Variants in EDEM3 observed in about 807,000 individuals in gnomAD.
The protein encoded by EDEM3 is ER degradation-enhancing alpha-mannosidase-like protein 3.
Under a neutral mutation model 110.2 loss-of-function variants are expected in EDEM3, and 60 were observed. That is an observed-to-expected ratio of 0.54 (90% CI 0.44 to 0.67). EDEM3 has a LOEUF of 0.67. Among genes scored for constraint, EDEM3 ranks in the 30% least tolerant of loss-of-function variants. The probability of loss-of-function intolerance (pLI) is 0.00; values close to 1 mark genes in which losing one functional copy is unlikely to be tolerated. For missense variants in EDEM3, 996 were observed against 1,121.0 expected (o/e 0.89, Z 1.59); for synonymous variants, 352 against 382.9 (o/e 0.92, Z 0.94).
intron 7 of EDEM3, among the ~76,000 whole-genome samples, chr1:184,724,290 G>A (rs1651071962): frequency 1.3e-5 from 2 of 152,038 alleles, no homozygotes; most frequent in Admixed American, 1.3e-4. Flanking sequence ...TAGAAAACTG[G>A]AAGAGAATTT....
At chr1:184,745,766 G>T (rs1197867045) in intron 2 of EDEM3, among the ~76,000 whole-genome samples, 2 of 152,076 alleles carry the variant, frequency 1.3e-5, no homozygotes, top group East Asian at 3.8e-4. Flanking sequence ...AAAGGAAATT[G>T]TGCTTACCAA....
chr1:184,752,093 T>A (rs1049460442), intron 1 of EDEM3, among the ~76,000 whole-genome samples: 1 of 152,260 alleles, frequency 6.6e-6, no homozygotes, highest in Non-Finnish European at 1.5e-5. Context: ...GCCCACGTGC[T>A]ATAGAAACTG....
rs370314492 is a variant in EDEM3 at position 184,734,647 on chromosome 1, G to A, written c.346-4C>T. On this transcript the variant is annotated splice_region_variant and splice_polypyrimidine_tract_variant and intron_variant, in intron 4 of 19. Coordinates refer to ENST00000318130, the MANE Select transcript of EDEM3 (RefSeq NM_025191.4). ...ATTCTTTAGTTTTATTTAAAACCTG[G>A]GAGAAGAAAATTATGAAATAAAGTT... is the stretch of plus-strand genomic sequence containing the variant. The A allele has an allele frequency of 1.6e-6, 2 of 1,249,712 alleles. No individual in the cohort carries two copies. The highest frequency in any genetic ancestry group is 2.2e-6 in the Non-Finnish European group (2 of 892,236). 77.4% of individuals were successfully genotyped at this position (1,249,712 alleles called of 1,614,324 possible). A position where few individuals can be genotyped will look rare whatever the true frequency, so the allele number is the denominator to read the frequency against.
chr1:184,729,995 A>T lies in EDEM3; in HGVS notation c.612+2842T>A, dbSNP rs535299256. ...AACTTTGCTTTTAATTTAATATGCTAAGAAAAAAATGATCAACAAATTTAA... is the reference window on the plus strand; with the variant it reads ...AACTTTGCTTTTAATTTAATATGCTTAGAAAAAAATGATCAACAAATTTAA... On this transcript the variant is annotated intron_variant, in intron 6 of 19. Coordinates refer to ENST00000318130, the MANE Select transcript of EDEM3 (RefSeq NM_025191.4). Among the ~76,000 whole-genome samples, 5 of 152,320 alleles carry T rather than the reference A, an allele frequency of 3.3e-5. No individual in the cohort carries two copies. The South Asian group carries it at 1.0e-3, about 32-fold the overall frequency.
chr1:184,754,693 G>C lies in EDEM3; in HGVS notation c.-47C>G, dbSNP rs1438382911. The stretch of plus-strand genomic sequence containing the variant: ...CGCAGCTGCTACGCCCGGCCGGTGA[G>C]ACACATTGCTGGACGCTGGTGGCCA... On this transcript the variant is annotated 5_prime_UTR_variant, in exon 1 of 20. Coordinates refer to ENST00000318130, the MANE Select transcript of EDEM3 (RefSeq NM_025191.4). 5 of 1,490,972 alleles carry C rather than the reference G, an allele frequency of 3.4e-6. No homozygotes were observed. The highest frequency in any genetic ancestry group is 2.3e-5 in the Admixed American group (1 of 42,836). The allele number at this position is 1,490,972 out of a possible 1,614,324, so 92.4% of individuals were successfully genotyped here.
chr1:184,733,272 A>T (rs1312024044), intron 5 of EDEM3, among the ~76,000 whole-genome samples: 1 of 152,240 alleles, frequency 6.6e-6, no homozygotes, highest in East Asian at 1.9e-4. Flanking sequence ...TACATTTAAC[A>T]AATCTAACAA....
At chr1:184,741,825 TTGAA>T (rs1209237681) in intron 2 of EDEM3, among the ~76,000 whole-genome samples, 1 of 152,218 alleles carries the variant, frequency 6.6e-6, no homozygotes, top group Non-Finnish European at 1.5e-5. Flanking sequence ...GAAGAAAAAT[TTGAA>T]TGGTTATAAA....
chr1:184,719,348 C>T (rs1414262615), intron 10 of EDEM3, 95 bp downstream of exon 10: 1 of 1,534,942 alleles, frequency 6.5e-7, no homozygotes, highest in Non-Finnish European at 8.8e-7. Flanking sequence ...TTCTGAACTG[C>T]AACTATGTTT....
In EDEM3 at chr1:184,752,860, T is replaced by C. The variant is rs541634078; in HGVS notation, c.158+1629A>G. 2.0e-3 allele frequency among the ~76,000 whole-genome samples: 305 copies of C among 152,306 alleles called. 1 individual carries two copies. The highest frequency in any genetic ancestry group is 7.0e-3 in the African/African-American group (290 of 41,554). On this transcript the variant is annotated intron_variant, in intron 1 of 19. Transcript: ENST00000318130. ...AAGTCAACCTTGGGTCTCAACTTCC[T>C]CATTTGCAAATGTGGATCATATTCA...
chr1:184,753,486 T>C (rs1364329384), intron 1 of EDEM3, among the ~76,000 whole-genome samples: 1 of 152,022 alleles, frequency 6.6e-6, no homozygotes, highest in Admixed American at 6.6e-5. Context: ...AGTGCTTTTA[T>C]TTTCTTAGGG....
rs138210142 is a variant in EDEM3 at position 184,697,498 on chromosome 1, G to C, written c.2390-3026C>G. On this transcript the variant is annotated intron_variant, in intron 19 of 19. Transcript: ENST00000318130. Reference sequence around the variant, plus strand: ...CTCAAAACAGCAAACTTTTATTATTGGCAAAGGAATAAACACATTAGTAGA... The same window carrying C: ...CTCAAAACAGCAAACTTTTATTATTCGCAAAGGAATAAACACATTAGTAGA... Among the ~76,000 whole-genome samples the C allele has an allele frequency of 6.8e-3, 1,027 of 151,850 alleles. 18 individuals are homozygous for C. Among genetic ancestry groups the C allele is most frequent in the African/African-American group, 0.024 (994 of 41,476 alleles).
chr1:184,693,024 A>G lies in EDEM3; in HGVS notation c.*1039T>C, dbSNP rs1649132801. On this transcript the variant is annotated 3_prime_UTR_variant, in exon 20 of 20. Coordinates refer to ENST00000318130, the MANE Select transcript of EDEM3 (RefSeq NM_025191.4). ...GAGAAAAACAGTAGTTACTCCAGGA[A>G]TTTTAACTCACTAACCACAGTTCTA... 6.5e-6 allele frequency: 1 copy of G among 154,790 alleles called. No individual in the cohort carries two copies. The highest frequency in any genetic ancestry group is 2.4e-5 in the African/African-American group (1 of 41,540). The allele number at this position is 154,790 out of a possible 1,614,324, so 9.6% of individuals were successfully genotyped here.
rs1431839670 is a variant in EDEM3, at chr1:184,754,563, G to A, written c.84C>T (p.Phe28=). The A allele has an allele frequency of 1.2e-6, 2 of 1,611,148 alleles. No homozygotes were observed. The highest frequency in any genetic ancestry group is 2.2e-5 in the East Asian group (1 of 44,772). ...ACACGGAGGTGGCCGACACCAGGCA[G>A]AACGCGGCCGTCGCCGCCACTAGTC... is the stretch of plus-strand genomic sequence containing the variant. ...RWRLVAATAA[F]CLVSATSVWT... Residue 28 remains phenylalanine, a synonymous_variant, in exon 1 of 20, where the codon TTC becomes TTT. Transcript: ENST00000318130.
chr1:184,732,281 G>C (rs566037517), intron 6 of EDEM3, among the ~76,000 whole-genome samples: 32 of 131,342 alleles, frequency 2.4e-4, no homozygotes, highest in Non-Finnish European at 5.0e-4. Flanking sequence ...CATGGAGATA[G>C]AGAGTAGAAC....
At chr1:184,743,896 T>A (rs564079443) in intron 2 of EDEM3, among the ~76,000 whole-genome samples, 1 of 151,968 alleles carries the variant, frequency 6.6e-6, no homozygotes, top group East Asian at 1.9e-4. Flanking sequence ...AAAAAATATA[T>A]AAATCCACCT....
rs1324470857 is a variant in EDEM3, at chr1:184,703,335, C to T, written c.2204-339G>A. Among the ~76,000 whole-genome samples, 4 of 152,038 alleles carry T rather than the reference C, an allele frequency of 2.6e-5. No individual in the cohort carries two copies. The South Asian group carries it at 6.2e-4, about 24-fold the overall frequency. Reference sequence around the variant, plus strand: ...AGAATACAGAATTCTATGATTATGACTATAAAAATTTCATATGCTTATGGA... The same window carrying T: ...AGAATACAGAATTCTATGATTATGATTATAAAAATTTCATATGCTTATGGA... On this transcript the variant is annotated intron_variant, in intron 18 of 19. Coordinates refer to ENST00000318130, the MANE Select transcript of EDEM3 (RefSeq NM_025191.4).
At chr1:184,749,424 GT>G in intron 2 of EDEM3, 122 bp downstream of exon 2, 5 of 776,234 alleles carry the variant, frequency 6.4e-6, no homozygotes, top group South Asian at 1.9e-5. Flanking sequence ...TTTTTGCCCT[GT>G]TTTTTAAAAA....
intron 19 of EDEM3, among the ~76,000 whole-genome samples, chr1:184,699,141 G>A (rs950128330): frequency 2.0e-5 from 3 of 151,798 alleles, no homozygotes; most frequent in African/African-American, 7.3e-5. Flanking sequence ...AAGAGGAAGT[G>A]AACCTTGGCA....
At chr1:184,727,096 A>G (rs940338731) in intron 6 of EDEM3, among the ~76,000 whole-genome samples, 1 of 152,226 alleles carries the variant, frequency 6.6e-6, no homozygotes, top group Non-Finnish European at 1.5e-5. Context: ...GTTTGAGACC[A>G]GCCTCACCAA....
Sources: gnomAD v4.1 joint callset for allele counts (sites outside exome capture counted in the v4.1 genomes callset) on GRCh38, gnomAD v4.1.1 for gene constraint, MANE v1.5 for transcripts, NCBI Gene and HGNC (gene_info 2026-07-23, HGNC 2026-07-21) for gene names.